The following AGBL4 variants were observed in gnomAD, a reference collection of about 807,000 sequenced individuals.
AGBL4 encodes the protein AGBL carboxypeptidase 4.
A neutral mutation model predicts 66.4 loss-of-function variants in AGBL4; 58 were observed. That is an observed-to-expected ratio of 0.87 (90% CI 0.71 to 1.09). AGBL4 has a LOEUF of 1.09. Ranked by LOEUF, AGBL4 falls within the 50% of genes least tolerant of loss-of-function variation. The pLI is 0.00. For missense variants in AGBL4, 579 were observed against 631.0 expected, an observed-to-expected ratio of 0.92 and a Z score of 0.88; for synonymous variants, 234 against 222.9, an observed-to-expected ratio of 1.05 and a Z score of -0.44.
intron 3 of AGBL4, among the ~76,000 whole-genome samples, chr1:49,587,519 C>CAT (rs1398612398): frequency 2.6e-5 from 4 of 151,986 alleles, no homozygotes; most frequent in East Asian, 3.9e-4. Context: ...AGTATTCATG[C>CAT]ATATATATAT....
At chr1:49,181,795 A>G (rs902003000) in intron 4 of AGBL4, among the ~76,000 whole-genome samples, 3 of 152,152 alleles carry the variant, frequency 2.0e-5, no homozygotes, top group African/African-American at 7.2e-5. Flanking sequence ...CTCCAAACCA[A>G]TGAAGGCCCT....
chr1:49,875,095 T>G (rs1646951774), intron 1 of AGBL4, among the ~76,000 whole-genome samples: 1 of 149,818 alleles, frequency 6.7e-6, no homozygotes, highest in Non-Finnish European at 1.5e-5. Flanking sequence ...TTTGTTCTTG[T>G]GATAGTTTAC....
intron 4 of AGBL4, among the ~76,000 whole-genome samples, chr1:49,234,700 C>T (rs998855494): frequency 6.3e-4 from 96 of 152,228 alleles, no homozygotes; most frequent in African/African-American, 2.2e-3. Context: ...AGTTGGGTAA[C>T]CAATTTGTCT....
chr1:48,619,189 G>C (rs1645368579), intron 9 of AGBL4, among the ~76,000 whole-genome samples: 1 of 152,138 alleles, frequency 6.6e-6, no homozygotes, highest in Non-Finnish European at 1.5e-5. Context: ...CTTTTCATTT[G>C]TTCTGCCATT....
chr1:49,846,492 A>C (rs1288815041), intron 2 of AGBL4: 1 of 936,004 alleles, frequency 1.1e-6, no homozygotes, highest in Non-Finnish European at 1.6e-6. Context: ...TGAGAAACAT[A>C]TGTCTTTATC....
At chr1:49,643,370 A>C (rs1645822353) in intron 3 of AGBL4, among the ~76,000 whole-genome samples, 1 of 151,816 alleles carries the variant, frequency 6.6e-6, no homozygotes, top group Non-Finnish European at 1.5e-5. Context: ...CCTAATATAC[A>C]GTTAAATAGA....
intron 6 of AGBL4, among the ~76,000 whole-genome samples, chr1:48,721,792 G>T (rs942706601): frequency 6.6e-6 from 1 of 152,198 alleles, no homozygotes; most frequent in African/African-American, 2.4e-5. Flanking sequence ...CTGCTCCGTT[G>T]CTCTCCCTCC....
downstream of AGBL4, among the ~76,000 whole-genome samples, chr1:48,528,883 GTATCTTGTAGAATCTAT>G (rs1013698471): frequency 2.0e-4 from 31 of 152,100 alleles, no homozygotes; most frequent in African/African-American, 7.2e-4. Context: ...ACAAAACATG[GTATCTTGTAGAATCTAT>G]TTCCCCCTTC....
chr1:49,244,488 T>C (rs1174776382), intron 4 of AGBL4, among the ~76,000 whole-genome samples: 3 of 151,826 alleles, frequency 2.0e-5, no homozygotes, highest in Admixed American at 2.0e-4. Context: ...ATTATTGTCA[T>C]CAAATGCCTA....
intron 7 of AGBL4, among the ~76,000 whole-genome samples, chr1:48,662,455 C>T (rs13376038): frequency 0.082 from 12,551 of 152,252 alleles, 1,698 homozygotes; most frequent in African/African-American, 0.28. Context: ...CGTTTCATAT[C>T]TCTTTGACCT....
At chr1:49,028,342 A>G (rs1663902980) in intron 5 of AGBL4, among the ~76,000 whole-genome samples, 2 of 152,202 alleles carry the variant, frequency 1.3e-5, no homozygotes, top group African/African-American at 4.8e-5. Context: ...CCCTAGAGAA[A>G]ACAGAACAAT....
At chr1:49,136,794 T>C (rs550837574) in intron 4 of AGBL4, among the ~76,000 whole-genome samples, 2 of 152,250 alleles carry the variant, frequency 1.3e-5, no homozygotes, top group African/African-American at 4.8e-5. Context: ...CTGGCAAGGA[T>C]AATGGTTTAT....
At chr1:49,442,305 G>GA (rs1405861280) in intron 3 of AGBL4, among the ~76,000 whole-genome samples, 1 of 152,114 alleles carries the variant, frequency 6.6e-6, no homozygotes, top group Non-Finnish European at 1.5e-5. Context: ...AATAATAGAG[G>GA]AAAGAGTAGC....
At chr1:48,981,611 G>A (rs1402210906) in intron 5 of AGBL4, among the ~76,000 whole-genome samples, 1 of 152,194 alleles carries the variant, frequency 6.6e-6, no homozygotes, top group East Asian at 1.9e-4. Flanking sequence ...GTGGCCAGGT[G>A]CAGTGGCTCA....
At chr1:48,982,606 GGA>G (rs1399163131) in intron 5 of AGBL4, among the ~76,000 whole-genome samples, 1 of 151,994 alleles carries the variant, frequency 6.6e-6, no homozygotes, top group Non-Finnish European at 1.5e-5. Flanking sequence ...TATCATTGTT[GGA>G]CATTTGGGTT....
intron 3 of AGBL4, among the ~76,000 whole-genome samples, chr1:49,539,906 G>C (rs1213651985): frequency 6.6e-6 from 1 of 152,162 alleles, no homozygotes; most frequent in East Asian, 1.9e-4. Context: ...GTAAGAGCAA[G>C]TAAACCAGCC....
intron 2 of AGBL4, among the ~76,000 whole-genome samples, chr1:49,708,191 A>G (rs1239426979): frequency 1.3e-5 from 2 of 152,102 alleles, no homozygotes; most frequent in African/African-American, 2.4e-5. Flanking sequence ...AGGTACACCA[A>G]TCAAATGTAA....
At chr1:49,587,997 A>G (rs1319421082) in intron 3 of AGBL4, among the ~76,000 whole-genome samples, 1 of 152,080 alleles carries the variant, frequency 6.6e-6, no homozygotes, top group African/African-American at 2.4e-5. Context: ...AAATCTCTCA[A>G]TGATTCCCTC....
At chr1:48,821,892 G>A (rs555428029) in intron 6 of AGBL4, among the ~76,000 whole-genome samples, 3 of 152,118 alleles carry the variant, frequency 2.0e-5, no homozygotes, top group Non-Finnish European at 4.4e-5. Flanking sequence ...TCCAATTTTG[G>A]TAAGAGCAAA....
Sources: gnomAD v4.1 joint callset for allele counts (sites outside exome capture counted in the v4.1 genomes callset) on GRCh38, gnomAD v4.1.1 for gene constraint, MANE v1.5 for transcripts, NCBI Gene and HGNC (gene_info 2026-07-23, HGNC 2026-07-21) for gene names.